The following ISY1 variants were observed in gnomAD, a reference collection of about 807,000 sequenced individuals.
The protein encoded by ISY1 is pre-mRNA-splicing factor ISY1 homolog.
A neutral mutation model predicts 54.4 loss-of-function variants in ISY1; 12 were observed. The ratio of observed to expected loss-of-function variants is 0.22; its 90% CI spans 0.14 to 0.36. The LOEUF is 0.36. ISY1 is among the 10% of genes least tolerant of loss of function. The probability of loss-of-function intolerance (pLI) is 1.00; values close to 1 mark genes in which losing one functional copy is unlikely to be tolerated. For missense variants in ISY1, 282 were observed against 342.2 expected (o/e 0.82, Z 1.39); for synonymous variants, 96 against 117.9 (o/e 0.81, Z 1.20).
intron 5 of ISY1, among the ~76,000 whole-genome samples, chr3:129,154,021 T>C (rs923441154): frequency 6.6e-6 from 1 of 151,528 alleles, no homozygotes; most frequent in African/African-American, 2.4e-5. Context: ...GGCGGGCGGA[T>C]CACGAGGTCA....
intron 7 of ISY1, among the ~76,000 whole-genome samples, chr3:129,138,869 T>C (rs1363392444): frequency 6.6e-6 from 1 of 151,796 alleles, no homozygotes; most frequent in African/African-American, 2.4e-5. Context: ...AATGCCCTAA[T>C]GTATTAACAA....
Position 129,131,145 on chromosome 3 carries a change from C to T in ISY1, c.664-509G>A, listed in dbSNP as rs148871434. 2.6e-3 allele frequency among the ~76,000 whole-genome samples: 395 copies of T among 152,256 alleles called. 3 individuals are homozygous for T. The highest frequency in any genetic ancestry group is 8.8e-3 in the African/African-American group (366 of 41,548). On this transcript the variant is annotated intron_variant, in intron 9 of 10. Coordinates refer to ENST00000393295, the MANE Select transcript of ISY1 (RefSeq NM_020701.4). Reference sequence around the variant, plus strand: ...CTGTTTGCTGGGCTCTGCCAGACACCGTGCACGACCCATTCCCTGACTGGC... The same window carrying T: ...CTGTTTGCTGGGCTCTGCCAGACACTGTGCACGACCCATTCCCTGACTGGC...
chr3:129,138,135 G>A (rs1449309474), intron 7 of ISY1, among the ~76,000 whole-genome samples: 4 of 148,088 alleles, frequency 2.7e-5, no homozygotes, highest in Non-Finnish European at 6.0e-5. Context: ...AAACTTTGCC[G>A]GGCATGGTGG....
chr3:129,131,400 C>T (rs1026480068), intron 9 of ISY1, among the ~76,000 whole-genome samples: 2 of 152,182 alleles, frequency 1.3e-5, no homozygotes, highest in African/African-American at 4.8e-5. Context: ...ACATTAGACA[C>T]AAAAGAGTAC....
At chr3:129,157,164 C>A (rs982532883) in intron 3 of ISY1, among the ~76,000 whole-genome samples, 6 of 152,074 alleles carry the variant, frequency 3.9e-5, no homozygotes, top group African/African-American at 1.4e-4. Context: ...GACAGCCAAA[C>A]TAGGTTATAG....
At chr3:129,158,798 A>G (rs559838944) in intron 2 of ISY1, among the ~76,000 whole-genome samples, 1 of 152,286 alleles carries the variant, frequency 6.6e-6, no homozygotes, top group African/African-American at 2.4e-5. Flanking sequence ...CACTACACAT[A>G]AGGACTGTGG....
At chr3:129,132,313 T>C (rs746423296) in intron 9 of ISY1, among the ~76,000 whole-genome samples, 1 of 152,136 alleles carries the variant, frequency 6.6e-6, no homozygotes, top group Non-Finnish European at 1.5e-5. Flanking sequence ...TCTGTACTCT[T>C]TGCAACTTCC....
chr3:129,136,655 C>A (rs1317173635), intron 7 of ISY1, among the ~76,000 whole-genome samples: 2 of 151,416 alleles, frequency 1.3e-5, no homozygotes, highest in African/African-American at 4.8e-5. Flanking sequence ...AGGCACGCAC[C>A]ACCACGCCCG....
intron 9 of ISY1, among the ~76,000 whole-genome samples, chr3:129,132,515 G>A (rs2107599725): frequency 6.6e-6 from 1 of 152,210 alleles, no homozygotes; most frequent in African/African-American, 2.4e-5. Flanking sequence ...GCCCCTGCTG[G>A]GAGCCCTCTC....
Position 129,130,592 on chromosome 3 carries a change from C to T in ISY1, c.708G>A (p.Gln236=). Residue 236 remains glutamine, a synonymous_variant, in exon 10 of 11, where the codon CAG becomes CAA. Coordinates refer to ENST00000393295, the MANE Select transcript of ISY1 (RefSeq NM_020701.4). ...CAGGGACGTGAGCAATGAACTTCTG[C>T]TGGCTGTCGTCCCCTCCTTTCTCCT... is the stretch of plus-strand genomic sequence containing the variant. ...GSQEKGGDDS[Q]QKFIAHVPVP... is the part of the protein sequence containing the mutation. The T allele has an allele frequency of 6.2e-7, 1 of 1,614,206 alleles. No homozygotes were observed. Among genetic ancestry groups the T allele is most frequent in the Middle Eastern group, 1.6e-4 (1 of 6,062 alleles).
At chr3:129,148,850 T>C (rs972397955) in intron 5 of ISY1, among the ~76,000 whole-genome samples, 5 of 152,240 alleles carry the variant, frequency 3.3e-5, no homozygotes, top group African/African-American at 1.2e-4. Flanking sequence ...ATTACAGGCG[T>C]GAGCCACCAT....
intron 5 of ISY1, among the ~76,000 whole-genome samples, chr3:129,152,756 T>A (rs1372722555): frequency 6.6e-6 from 1 of 152,186 alleles, no homozygotes; most frequent in Non-Finnish European, 1.5e-5. Context: ...TTTTTGTCTA[T>A]ATTCATAGGA....
Position 129,158,491 on chromosome 3 carries a change from G to A in ISY1, c.78+17C>T. The A allele has an allele frequency of 1.2e-6, 2 of 1,613,352 alleles. No homozygotes were observed. Among genetic ancestry groups the A allele is most frequent in the African/African-American group, 1.3e-5 (1 of 74,998 alleles). On this transcript the variant is annotated intron_variant, in intron 3 of 10. Coordinates refer to ENST00000393295, the MANE Select transcript of ISY1 (RefSeq NM_020701.4). ...ATTCTTGATACTTTACAATTCATGA[G>A]GAAGATTTACACCAACCTTCACTTT... is the stretch of plus-strand genomic sequence containing the variant.
At chr3:129,134,280 G>A in intron 8 of ISY1, 85 bp from the exon 9 acceptor site, 1 of 1,589,658 alleles carries the variant, frequency 6.3e-7, no homozygotes, top group Non-Finnish European at 8.6e-7. Flanking sequence ...CACTATGCAG[G>A]GAAAGTCTAG....
intron 7 of ISY1, 27 bp downstream of exon 7, chr3:129,140,341 G>C (rs1162956835): frequency 6.4e-7 from 1 of 1,555,246 alleles, no homozygotes; most frequent in East Asian, 2.3e-5. Context: ...ACCAATGAAA[G>C]GCTAAAACTG....
At chr3:129,139,663 A>G (rs1230488721) in intron 7 of ISY1, among the ~76,000 whole-genome samples, 3 of 150,244 alleles carry the variant, frequency 2.0e-5, no homozygotes, top group Non-Finnish European at 4.4e-5. Flanking sequence ...TTTTTTTGAG[A>G]TGGAGTTTCG....
chr3:129,131,973 G>C (rs1009510177), intron 9 of ISY1, among the ~76,000 whole-genome samples: 1 of 152,120 alleles, frequency 6.6e-6, no homozygotes, highest in Non-Finnish European at 1.5e-5. Flanking sequence ...GGGACTATAG[G>C]CATGTCCAAC....
intron 3 of ISY1, among the ~76,000 whole-genome samples, chr3:129,157,313 T>C (rs1937170572): frequency 6.6e-6 from 1 of 152,140 alleles, no homozygotes; most frequent in Admixed American, 6.6e-5. Flanking sequence ...GTATATATTA[T>C]CTCTAATTTG....
At chr3:129,136,159 T>TGGCATGATCTTGGCTCACTGCAAC (rs1936393749) in intron 7 of ISY1, among the ~76,000 whole-genome samples, 1 of 151,852 alleles carries the variant, frequency 6.6e-6, no homozygotes, top group South Asian at 2.1e-4. Context: ...TGGAGTGCAA[T>TGGCATGATCTTGGCTCACTGCAAC]GGCATGATCT....
Sources: gnomAD v4.1 joint callset for allele counts (sites outside exome capture counted in the v4.1 genomes callset) on GRCh38, gnomAD v4.1.1 for gene constraint, MANE v1.5 for transcripts, NCBI Gene and HGNC (gene_info 2026-07-23, HGNC 2026-07-21) for gene names.